Variants in GRM5 observed in about 807,000 individuals in gnomAD.
GRM5 encodes glutamate metabotropic receptor 5.
A neutral mutation model predicts 83.1 loss-of-function variants in GRM5; 19 were observed. The ratio of observed to expected loss-of-function variants is 0.23; its 90% confidence interval spans 0.16 to 0.34. The LOEUF is 0.34. Among genes scored for constraint, GRM5 ranks in the 10% least tolerant of loss-of-function variants. The probability of loss-of-function intolerance (pLI) is 1.00; values close to 1 mark genes in which losing one functional copy is unlikely to be tolerated. For synonymous variants in GRM5, 675 were observed against 633.6 expected (o/e 1.07, Z -0.98); for missense variants, 1,160 against 1,588.3 (o/e 0.73, Z 4.58).
At chr11:88,945,294 A>G (rs1441179229) in intron 2 of GRM5, among the ~76,000 whole-genome samples, 2 of 152,068 alleles carry the variant, frequency 1.3e-5, no homozygotes, top group African/African-American at 4.8e-5. Flanking sequence ...AAAAGAATAA[A>G]TATTATTAAA....
intron 8 of GRM5, among the ~76,000 whole-genome samples, chr11:88,549,731 C>A (rs1336411667): frequency 6.6e-6 from 1 of 151,806 alleles, no homozygotes; most frequent in Admixed American, 6.6e-5. Flanking sequence ...GTTGGGAAGG[C>A]CAAGTCATCA....
At chr11:88,758,430 T>G (rs541939135) in intron 3 of GRM5, among the ~76,000 whole-genome samples, 1 of 152,194 alleles carries the variant, frequency 6.6e-6, no homozygotes, top group South Asian at 2.1e-4. Flanking sequence ...AAGAATTTCA[T>G]AATGCAATTG....
intron 9 of GRM5, among the ~76,000 whole-genome samples, chr11:88,518,123 GAA>G (rs1941575077): frequency 6.6e-6 from 1 of 151,704 alleles, no homozygotes; most frequent in Non-Finnish European, 1.5e-5. Flanking sequence ...TACAGGCTAA[GAA>G]AAGAGACTGT....
intron 8 of GRM5, among the ~76,000 whole-genome samples, chr11:88,560,684 C>T (rs1006489294): frequency 6.6e-6 from 1 of 152,128 alleles, no homozygotes; most frequent in African/African-American, 2.4e-5. Context: ...TCTAATCCAC[C>T]TGTCCTTCTG....
chr11:88,981,563 T>C (rs1373117942), intron 2 of GRM5, among the ~76,000 whole-genome samples: 2 of 152,192 alleles, frequency 1.3e-5, no homozygotes, highest in African/African-American at 4.8e-5. Flanking sequence ...CAGTCATTCG[T>C]TCTGGCTGAT....
At chr11:88,887,117 G>T (rs1417655051) in intron 2 of GRM5, among the ~76,000 whole-genome samples, 1 of 152,114 alleles carries the variant, frequency 6.6e-6, no homozygotes, top group African/African-American at 2.4e-5. Flanking sequence ...TGCTGCTTCT[G>T]TTAACAGGAA....
At chr11:89,002,902 C>A (rs1243031111) in intron 2 of GRM5, among the ~76,000 whole-genome samples, 5 of 151,974 alleles carry the variant, frequency 3.3e-5, no homozygotes, top group African/African-American at 4.8e-5. Context: ...ACCCAGAGAA[C>A]CTTATCTAAT....
intron 3 of GRM5, among the ~76,000 whole-genome samples, chr11:88,836,421 A>ATG: frequency 6.6e-6 from 1 of 152,210 alleles, no homozygotes; most frequent in African/African-American, 2.4e-5. Context: ...ATATGTATAT[A>ATG]TGTGTGTATA....
At chr11:89,041,745 A>G (rs1437498688) in intron 2 of GRM5, among the ~76,000 whole-genome samples, 1 of 152,132 alleles carries the variant, frequency 6.6e-6, no homozygotes, top group African/African-American at 2.4e-5. Flanking sequence ...TTTCTTTACA[A>G]TTAGAGTTGC....
At chr11:88,638,268 T>C (rs986394967) in intron 4 of GRM5, among the ~76,000 whole-genome samples, 31 of 151,786 alleles carry the variant, frequency 2.0e-4, no homozygotes, top group African/African-American at 5.8e-4. Flanking sequence ...AACTAACCTG[T>C]ACATTGTGCA....
chr11:88,726,935 A>G (rs748094320), intron 3 of GRM5, among the ~76,000 whole-genome samples: 9 of 152,200 alleles, frequency 5.9e-5, no homozygotes, highest in Non-Finnish European at 7.4e-5. Flanking sequence ...CTGCAAAAAC[A>G]TGCCAAATTG....
intron 3 of GRM5, among the ~76,000 whole-genome samples, chr11:88,714,851 C>A (rs1477806543): frequency 6.6e-6 from 1 of 151,926 alleles, no homozygotes; most frequent in Non-Finnish European, 1.5e-5. Context: ...ACTGTAAGTT[C>A]CACTAGCACT....
intron 2 of GRM5, among the ~76,000 whole-genome samples, chr11:88,916,234 T>G (rs891378945): frequency 2.6e-4 from 39 of 152,082 alleles, no homozygotes; most frequent in African/African-American, 9.2e-4. Flanking sequence ...GCCTTTAACC[T>G]CATATCAAGG....
chr11:88,864,211 C>T (rs966101937), intron 2 of GRM5, among the ~76,000 whole-genome samples: 23 of 150,210 alleles, frequency 1.5e-4, no homozygotes, highest in African/African-American at 5.4e-4. Context: ...GGCAAGTAGG[C>T]TAAGATTACA....
intron 2 of GRM5, among the ~76,000 whole-genome samples, chr11:88,994,889 A>C (rs1357873965): frequency 1.3e-5 from 2 of 152,126 alleles, no homozygotes; most frequent in Non-Finnish European, 2.9e-5. Context: ...CTTCACCTAT[A>C]GCTTGCTTCT....
At chr11:88,789,956 G>C (rs1329592471) in intron 3 of GRM5, among the ~76,000 whole-genome samples, 1 of 152,140 alleles carries the variant, frequency 6.6e-6, no homozygotes, top group Non-Finnish European at 1.5e-5. Context: ...CCGGGTTCAA[G>C]CAGTTTTCCT....
At chr11:88,701,669 G>A (rs140011058) in intron 3 of GRM5, among the ~76,000 whole-genome samples, 138 of 152,190 alleles carry the variant, frequency 9.1e-4, no homozygotes, top group African/African-American at 2.5e-3. Flanking sequence ...GTCATAAATC[G>A]ATACATGGAG....
At chr11:88,673,627 TA>T (rs1940246710) in intron 3 of GRM5, among the ~76,000 whole-genome samples, 1 of 151,896 alleles carries the variant, frequency 6.6e-6, no homozygotes, top group African/African-American at 2.4e-5. Flanking sequence ...GAAATTCATT[TA>T]TTATAATTTT....
rs140166975 is a variant in GRM5 at position 88,900,568 on chromosome 11, T to G, written c.662-50413A>C. On this transcript the variant is annotated intron_variant, in intron 2 of 9. Transcript: ENST00000305447. ...TTGAATATCTAAATCTACACAGTCATAATTATACTGATGCTATTAAAACAT... is the reference window on the plus strand; with the variant it reads ...TTGAATATCTAAATCTACACAGTCAGAATTATACTGATGCTATTAAAACAT... Among the ~76,000 whole-genome samples, 411 of 152,242 alleles carry G rather than the reference T, an allele frequency of 2.7e-3. 2 individuals carry two copies. The highest frequency in any genetic ancestry group is 4.7e-3 in the Non-Finnish European group (319 of 68,026).
Sources: gnomAD v4.1 joint callset for allele counts (sites outside exome capture counted in the v4.1 genomes callset) on GRCh38, gnomAD v4.1.1 for gene constraint, MANE v1.5 for transcripts, NCBI Gene and HGNC (gene_info 2026-07-23, HGNC 2026-07-21) for gene names.